Variants in PI4KA observed in about 807,000 individuals in gnomAD.
PI4KA encodes the protein phosphatidylinositol 4-kinase alpha.
Under a neutral mutation model 271.4 loss-of-function variants are expected in PI4KA, and 122 were observed. The observed-to-expected ratio is 0.45, with a 90% CI of 0.39 to 0.52. The LOEUF is 0.52. PI4KA is among the 20% of genes least tolerant of loss of function. PI4KA has a pLI of 0.00. For synonymous variants in PI4KA, 1,041 were observed against 1,078.8 expected (o/e 0.96, Z 0.69); for missense variants, 1,969 against 2,769.1 (o/e 0.71, Z 6.48).
At position 20,711,457 on chromosome 22, in the gene PI4KA, C is replaced by T. The variant is rs1181544882; in HGVS notation, c.5807G>A (p.Arg1936His). 3.6e-6 allele frequency: 5 copies of T among 1,391,200 alleles called. No homozygotes were observed. The highest frequency in any genetic ancestry group is 1.5e-5 in the African/African-American group (1 of 65,398). The allele number at this position is 1,391,200 out of a possible 1,614,324, so 86.2% of individuals were successfully genotyped here. A position where few individuals can be genotyped will look rare whatever the true frequency, so the allele number is the denominator to read the frequency against. Residue 1936 changes from arginine (R) to histidine (H), a missense_variant, in exon 51 of 55, where the codon CGC (arginine) becomes CAC (histidine). Coordinates refer to ENST00000255882, the MANE Select transcript of PI4KA (RefSeq NM_058004.4). ...GGCCATGCTTCGGATGAAGTTGTAG[C>T]GGGCCTGTGCAGAGAGCGCCCTGGG... ...DESTLAFQQA[R>H]YNFIRSMAAY...
Position 20,803,354 on chromosome 22 carries a change from T to C in PI4KA, c.1462-34A>G, listed in dbSNP as rs202059109. On this transcript the variant is annotated intron_variant, in intron 12 of 54. Coordinates refer to ENST00000255882, the MANE Select transcript of PI4KA (RefSeq NM_058004.4). ...CACCATCAACCTGTCACATGGCCTG[T>C]GGTATGGGACCATCTGAGTAGGCCC... The C allele has an allele frequency of 3.7e-6, 6 of 1,612,964 alleles. No homozygotes were observed. The African/African-American group carries it at 6.7e-5, about 18-fold the overall frequency.
intron 32 of PI4KA, among the ~76,000 whole-genome samples, chr22:20,741,885 A>G (rs1246611685): frequency 6.6e-6 from 1 of 152,220 alleles, no homozygotes; most frequent in Non-Finnish European, 1.5e-5. Context: ...TCCCAAGATT[A>G]GGTCAAGAAA....
intron 1 of PI4KA, among the ~76,000 whole-genome samples, chr22:20,848,640 A>G (rs1324002241): frequency 3.3e-5 from 5 of 152,210 alleles, no homozygotes; most frequent in Non-Finnish European, 7.3e-5. Flanking sequence ...CACATGCAAA[A>G]GAATGAAACT....
At chr22:20,716,359 C>A (rs1160558629) in intron 45 of PI4KA, among the ~76,000 whole-genome samples, 3 of 152,164 alleles carry the variant, frequency 2.0e-5, no homozygotes, top group Non-Finnish European at 4.4e-5. Flanking sequence ...GCCCAGGCTC[C>A]CCTTTCTCAG....
intron 3 of PI4KA, among the ~76,000 whole-genome samples, chr22:20,827,200 T>A (rs1360141379): frequency 5.0e-4 from 76 of 152,218 alleles, no homozygotes; most frequent in Non-Finnish European, 5.9e-5. Context: ...TACATCTAGA[T>A]CTTTAATCCA....
intron 1 of PI4KA, among the ~76,000 whole-genome samples, chr22:20,843,274 G>A (rs1240486959): frequency 6.6e-6 from 1 of 152,156 alleles, no homozygotes; most frequent in African/African-American, 2.4e-5. Flanking sequence ...AGGGCTGCTT[G>A]AGCCCAGGAG....
rs1438374045 is a variant in PI4KA at position 20,738,949 on chromosome 22, T to C, written c.3741+3279A>G. 4.8e-5 allele frequency among the ~76,000 whole-genome samples: 7 copies of C among 144,700 alleles called. No individual in the cohort carries two copies. The East Asian group carries it at 1.4e-3, about 30-fold the overall frequency. The allele number at this position is 144,700 out of a possible 152,430, so 94.9% of individuals were successfully genotyped here. A position where few individuals can be genotyped will look rare whatever the true frequency, so the allele number is the denominator to read the frequency against. The stretch of plus-strand genomic sequence containing the variant: ...CAGGCGCGGTGGCTCACGCCTGTAA[T>C]CCCAGCACTTGGGGAGGCCGAGGCA... On this transcript the variant is annotated intron_variant, in intron 32 of 54. Coordinates refer to ENST00000255882, the MANE Select transcript of PI4KA (RefSeq NM_058004.4).
intron 39 of PI4KA, among the ~76,000 whole-genome samples, chr22:20,729,043 C>A (rs1259907759): frequency 1.3e-5 from 2 of 152,226 alleles, no homozygotes; most frequent in Non-Finnish European, 2.9e-5. Flanking sequence ...GGAATCAGAT[C>A]TTGGCTCTGA....
chr22:20,716,814 G>C lies in PI4KA; in HGVS notation c.5317+894C>G, dbSNP rs185351802. Among the ~76,000 whole-genome samples the C allele has an allele frequency of 1.2e-4, 19 of 152,366 alleles. No homozygotes were observed. In the South Asian group the frequency reaches 3.9e-3, roughly 32 times the overall value. On this transcript the variant is annotated intron_variant, in intron 45 of 54. Coordinates refer to ENST00000255882, the MANE Select transcript of PI4KA (RefSeq NM_058004.4). ...CCTGCCCTCTCTGGGAAGCCGTGCT[G>C]TTGTGTGAGCTCAACACAATGTGTT...
chr22:20,850,273 G>A (rs1022942769), intron 1 of PI4KA, among the ~76,000 whole-genome samples: 7 of 151,354 alleles, frequency 4.6e-5, no homozygotes, highest in East Asian at 2.0e-4. Context: ...ACGGTGGCTC[G>A]CCTGTTAACA....
At chr22:20,782,944 T>C (rs1464356079) in intron 19 of PI4KA, among the ~76,000 whole-genome samples, 2 of 152,006 alleles carry the variant, frequency 1.3e-5, no homozygotes, top group African/African-American at 4.8e-5. Flanking sequence ...CATCTCATCC[T>C]GGCTGCTCTA....
chr22:20,765,058 T>A (rs758317733), intron 21 of PI4KA, 42 bp downstream of exon 21: 2 of 1,594,300 alleles, frequency 1.3e-6, no homozygotes, highest in South Asian at 1.1e-5. Context: ...TCTGCCCTAA[T>A]TGGCACAGAG....
At chr22:20,787,811 G>A (rs1427806941) in intron 19 of PI4KA, 1 of 154,924 alleles carries the variant, frequency 6.5e-6, no homozygotes, top group Non-Finnish European at 1.4e-5. Flanking sequence ...AAGGCTGAGA[G>A]GAAGTCACTT....
chr22:20,729,831 C>T, intron 37 of PI4KA, 61 bp downstream of exon 37: 2 of 1,608,360 alleles, frequency 1.2e-6, no homozygotes, highest in Non-Finnish European at 1.7e-6. Flanking sequence ...GTCCATCAAG[C>T]AGCTTGCAAC....
chr22:20,717,949 A>G (rs1367660919), intron 44 of PI4KA, 171 bp from the exon 45 acceptor site: 4 of 602,102 alleles, frequency 6.6e-6, no homozygotes, highest in African/African-American at 5.6e-5. Flanking sequence ...TGCATTCCTC[A>G]TGGAGAATCC....
At chr22:20,839,654 A>T (rs1238100073) in intron 1 of PI4KA, among the ~76,000 whole-genome samples, 2 of 152,084 alleles carry the variant, frequency 1.3e-5, no homozygotes, top group Non-Finnish European at 2.9e-5. Context: ...ATACGGTGAA[A>T]CCCCGTCTCT....
At chr22:20,732,785 T>C (rs1327529644) in intron 36 of PI4KA, among the ~76,000 whole-genome samples, 186 bp downstream of exon 36, 2 of 152,214 alleles carry the variant, frequency 1.3e-5, no homozygotes, top group African/African-American at 2.4e-5. Flanking sequence ...GCTTCTCAGC[T>C]CAGGCCAGAG....
rs1218678284 is a variant in PI4KA at position 20,805,163 on chromosome 22, G to C, written c.1171C>G (p.Leu391Val). Residue 391 changes from leucine to valine, a missense_variant and splice_region_variant, in exon 11 of 55, where the codon CTC becomes GTC. Around this residue, in one of 13 missense-constraint regions of PI4KA, gnomAD observed 540 missense variants for 555.5 expected, o/e 0.97. Coordinates refer to ENST00000255882, the MANE Select transcript of PI4KA (RefSeq NM_058004.4). Reference protein sequence around the residue: ...LRDTLYYMKDLPTSFVKEIHD... With the variant: ...LRDTLYYMKDVPTSFVKEIHD... ...ATCTCCTTCACAAAAGAGGTCGGGA[G>C]GTCTGTAGGAAAGAGTGTGGCATCA... The C allele has an allele frequency of 1.9e-6, 3 of 1,612,324 alleles. No individual in the cohort carries two copies. Among genetic ancestry groups the C allele is most frequent in the African/African-American group, 2.7e-5 (2 of 75,002 alleles).
Position 20,803,105 on chromosome 22 carries a change from G to A in PI4KA, c.1591+86C>T, listed in dbSNP as rs1478568739. On this transcript the variant is annotated intron_variant, in intron 13 of 54. Transcript: ENST00000255882. Reference sequence around the variant, plus strand: ...AAGGTGTGGCGAAGGAATGCACCCAGGTACAGTCATGAAACCTGTGTGAGG... The same window carrying A: ...AAGGTGTGGCGAAGGAATGCACCCAAGTACAGTCATGAAACCTGTGTGAGG... 12 of 1,398,474 alleles carry A rather than the reference G, an allele frequency of 8.6e-6. No homozygotes were observed. In the East Asian group the frequency reaches 2.8e-4, roughly 32 times the overall value. The allele number at this position is 1,398,474 out of a possible 1,614,324, so 86.6% of individuals were successfully genotyped here.
Sources: gnomAD v4.1 joint callset for allele counts (sites outside exome capture counted in the v4.1 genomes callset) on GRCh38, gnomAD v4.1.1 for gene constraint, gnomAD v4.1.1 regional missense constraint, MANE v1.5 for transcripts, NCBI Gene and HGNC (gene_info 2026-07-23, HGNC 2026-07-21) for gene names.